Variants in TRIOBP observed in about 807,000 individuals in gnomAD.
TRIOBP encodes the protein TRIO and F-actin-binding protein.
A neutral mutation model predicts 238.8 loss-of-function variants in TRIOBP; 169 were observed. The observed-to-expected ratio is 0.71, with a 90% confidence interval of 0.62 to 0.80. The LOEUF is 0.80. Among genes scored for constraint, TRIOBP ranks in the 30% least tolerant of loss-of-function variants. The pLI, the probability that TRIOBP is intolerant of heterozygous loss-of-function variation, is 0.00. For missense variants in TRIOBP, 2,838 were observed against 3,122.6 expected (o/e 0.91, Z 2.17); for synonymous variants, 1,150 against 1,274.4 (o/e 0.90, Z 2.08).
intron 10 of TRIOBP, among the ~76,000 whole-genome samples, chr22:37,739,749 C>T (rs1924847071): frequency 6.6e-6 from 1 of 152,210 alleles, no homozygotes; most frequent in South Asian, 2.1e-4. Context: ...GCTAAAGGCG[C>T]TGCCAGCCCT....
chr22:37,766,683 C>T (rs1569062336), intron 18 of TRIOBP, among the ~76,000 whole-genome samples: 1 of 152,202 alleles, frequency 6.6e-6, no homozygotes, highest in Non-Finnish European at 1.5e-5. Flanking sequence ...ACCAGAGGCC[C>T]GGTGCAGTGG....
intron 12 of TRIOBP, among the ~76,000 whole-genome samples, chr22:37,753,948 A>G (rs1435546699): frequency 6.6e-6 from 1 of 152,128 alleles, no homozygotes; most frequent in Non-Finnish European, 1.5e-5. Context: ...TTGGCATACT[A>G]TCAGGCTGTT....
intron 17 of TRIOBP, among the ~76,000 whole-genome samples, chr22:37,763,145 G>A (rs947825363): frequency 1.3e-5 from 2 of 152,172 alleles, no homozygotes; most frequent in Admixed American, 6.5e-5. Context: ...CTTCAGAAGA[G>A]CAGTGCCCAC....
chr22:37,724,845 C>T lies in TRIOBP; in HGVS notation c.2289C>T (p.Ile763=). The change falls in exon 7 of 24, where the codon ATC becomes ATT. Residue 763 remains isoleucine, a synonymous_variant. Transcript: ENST00000644935. Reference sequence around the variant, plus strand: ...GAGCCTCCTCTCCTAACAGAACCATCCAACAAGAGAACCTCAGAACATCCT... The same window carrying T: ...GAGCCTCCTCTCCTAACAGAACCATTCAACAAGAGAACCTCAGAACATCCT... ...NPRASSPNRT[I]QQENLRTSCT... 3 of 1,613,660 alleles carry T rather than the reference C, an allele frequency of 1.9e-6. No individual in the cohort carries two copies. Among genetic ancestry groups the T allele is most frequent in the Non-Finnish European group, 2.5e-6 (3 of 1,179,976 alleles).
In TRIOBP at chr22:37,759,497, C is replaced by G. The variant is rs757097829; in HGVS notation, c.6324+233C>G. On this transcript the variant is annotated intron_variant, in intron 17 of 23. Transcript: ENST00000644935. Reference sequence around the variant, plus strand: ...GGTTATGTGACTTGCCCAAGGTCACCCCGCCTGCAGGTCTCAAAGGTGGGA... The same window carrying G: ...GGTTATGTGACTTGCCCAAGGTCACGCCGCCTGCAGGTCTCAAAGGTGGGA... 1.5e-5 allele frequency: 24 copies of G among 1,606,594 alleles called. 1 individual carries two copies. The highest frequency in any genetic ancestry group is 3.3e-4 in the Middle Eastern group (2 of 6,058).
chr22:37,746,110 C>T, intron 11 of TRIOBP: 1 of 889,848 alleles, frequency 1.1e-6, no homozygotes, highest in Non-Finnish European at 1.4e-6. Context: ...GCAGGTCCCG[C>T]CCCCGGCCCG....
At chr22:37,769,228 G>T in intron 20 of TRIOBP, 34 bp from the exon 21 acceptor site, 1 of 1,603,610 alleles carries the variant, frequency 6.2e-7, no homozygotes, top group Non-Finnish European at 8.5e-7. Context: ...GGTGGGTCCC[G>T]GCACCCCTCC....
At chr22:37,769,879 C>T (rs1316442752) in intron 21 of TRIOBP, among the ~76,000 whole-genome samples, 1 of 151,722 alleles carries the variant, frequency 6.6e-6, no homozygotes, top group East Asian at 2.0e-4. Flanking sequence ...CAGGCCTGCA[C>T]CACCACACCC....
At chr22:37,719,541 T>C (rs1601627610) in intron 6 of TRIOBP, among the ~76,000 whole-genome samples, 2 of 152,264 alleles carry the variant, frequency 1.3e-5, no homozygotes, top group Non-Finnish European at 2.9e-5. Context: ...AGCAGACGTT[T>C]ACTTACTGCC....
chr22:37,752,657 C>T (rs907273370), intron 12 of TRIOBP, among the ~76,000 whole-genome samples: 6 of 152,220 alleles, frequency 3.9e-5, no homozygotes, highest in African/African-American at 7.2e-5. Flanking sequence ...CTTCCCTACC[C>T]GCTGCCTGCC....
chr22:37,718,428 C>G (rs1194825995), intron 6 of TRIOBP, among the ~76,000 whole-genome samples: 1 of 152,108 alleles, frequency 6.6e-6, no homozygotes, highest in Non-Finnish European at 1.5e-5. Flanking sequence ...GATTCTGCAT[C>G]GATTACTGAG....
At chr22:37,765,610 G>T in intron 17 of TRIOBP, 60 bp from the exon 18 acceptor site, 1 of 1,546,080 alleles carries the variant, frequency 6.5e-7, no homozygotes, top group South Asian at 1.2e-5. Context: ...TGGAGGCTGG[G>T]GAAGGGCCGC....
intron 3 of TRIOBP, 69 bp downstream of exon 3, chr22:37,701,548 T>A: frequency 8.5e-7 from 1 of 1,173,672 alleles, no homozygotes; most frequent in Non-Finnish European, 1.3e-6. Context: ...GGGCCTGTGG[T>A]GTCCGCTAAC....
chr22:37,710,563 A>G lies in TRIOBP; in HGVS notation c.251A>G (p.Lys84Arg), dbSNP rs1423098279. The G allele has an allele frequency of 1.2e-6, 2 of 1,609,412 alleles. No individual in the cohort carries two copies. The highest frequency in any genetic ancestry group is 1.7e-6 in the Non-Finnish European group (2 of 1,179,500). Reference sequence around the variant, plus strand: ...GACCCAGGCCTCAGGCCAGGGCCCAAGAGGTGGGTAGAGTCCCAGGGCCCA... The same window carrying G: ...GACCCAGGCCTCAGGCCAGGGCCCAGGAGGTGGGTAGAGTCCCAGGGCCCA... ...VVDPGLRPGPKRGPSPSAGLP... is the reference protein window; with the variant it reads ...VVDPGLRPGPRRGPSPSAGLP... The change falls in exon 4 of 24, where the codon AAG becomes AGG. Residue 84 changes from lysine to arginine, a missense_variant. Physicochemically the swap from Lys to Arg is conservative, Grantham distance 26 (BLOSUM62 2). Around this residue, in one of 5 missense-constraint regions of TRIOBP, gnomAD observed 535 missense variants for 537.3 expected, o/e 1.00. Coordinates refer to ENST00000644935, the MANE Select transcript of TRIOBP (RefSeq NM_001039141.3).
intron 17 of TRIOBP, among the ~76,000 whole-genome samples, chr22:37,764,026 C>A (rs1045390678): frequency 3.3e-5 from 5 of 152,234 alleles, no homozygotes; most frequent in African/African-American, 1.2e-4. Context: ...TCTGACCATC[C>A]CTTCCTGGTC....
At chr22:37,743,593 G>A (rs1333152152) in intron 11 of TRIOBP, among the ~76,000 whole-genome samples, 4 of 152,190 alleles carry the variant, frequency 2.6e-5, no homozygotes, top group Non-Finnish European at 5.9e-5. Flanking sequence ...GGCCACTGGA[G>A]CCCAGTTAGG....
chr22:37,722,770 T>C (rs915131526), intron 6 of TRIOBP, among the ~76,000 whole-genome samples: 1 of 152,182 alleles, frequency 6.6e-6, no homozygotes, highest in African/African-American at 2.4e-5. Context: ...CCTTGGATTC[T>C]GATTGAAGGA....
At chr22:37,763,193 G>A (rs533806156) in intron 17 of TRIOBP, among the ~76,000 whole-genome samples, 195 of 152,292 alleles carry the variant, frequency 1.3e-3, no homozygotes, top group Non-Finnish European at 1.7e-3. Flanking sequence ...GGATGCTGGC[G>A]TACCGTCTCC....
intron 8 of TRIOBP, 144 bp downstream of exon 8, chr22:37,733,556 C>G (rs978137460): frequency 5.9e-6 from 4 of 677,446 alleles, no homozygotes; most frequent in African/African-American, 5.3e-5. Flanking sequence ...CCAGCTCTCC[C>G]CTCTCCCCAA....
Sources: gnomAD v4.1 joint callset for allele counts (sites outside exome capture counted in the v4.1 genomes callset) on GRCh38, gnomAD v4.1.1 for gene constraint, gnomAD v4.1.1 regional missense constraint, MANE v1.5 for transcripts, NCBI Gene and HGNC (gene_info 2026-07-23, HGNC 2026-07-21) for gene names.